Variants in MUC17 observed in about 807,000 individuals in gnomAD.
MUC17 encodes mucin 17, cell surface associated, also known as mucin-17.
Under a neutral mutation model 170.3 loss-of-function variants are expected in MUC17, and 190 were observed. The ratio of observed to expected loss-of-function variants is 1.12; its 90% CI spans 0.99 to 1.26. MUC17 has a LOEUF of 1.26. MUC17 is among the 50% of genes most tolerant of loss of function. The pLI is 0.00. For missense variants in MUC17, 6,415 were observed against 5,530.0 expected (o/e 1.16, Z -5.08); for synonymous variants, 2,325 against 2,002.5 (o/e 1.16, Z -4.30).
chr7:101,023,894 T>G (rs1446469462), intron 1 of MUC17, among the ~76,000 whole-genome samples: 3 of 140,518 alleles, frequency 2.1e-5, no homozygotes, highest in East Asian at 2.1e-4. Context: ...CTATTTGCAG[T>G]TTTTTTTTTT....
chr7:101,053,231 AG>A lies in MUC17; in HGVS notation c.13265+85del, dbSNP rs1193687814. On this transcript the variant is annotated intron_variant, in intron 10 of 12. Transcript: ENST00000306151. ...AACCCTCTGTCTCTAATCACTTCAT[AG>A]TCTAGGTGGGCAGCGGGGGCAGCTA... 3.8e-6 allele frequency: 6 copies of A among 1,586,458 alleles called. No individual in the cohort carries two copies. The East Asian group carries it at 1.3e-4, about 36-fold the overall frequency.
intron 11 of MUC17, among the ~76,000 whole-genome samples, chr7:101,055,634 G>C (rs1795032510): frequency 6.6e-6 from 1 of 152,146 alleles, no homozygotes; most frequent in South Asian, 2.1e-4. Flanking sequence ...GAGGATTACA[G>C]AACTTTTGTA....
At position 101,034,467 on chromosome 7, in the gene MUC17, T is replaced by A; in HGVS notation, c.3051T>A (p.Ser1017=). The A allele has an allele frequency of 6.2e-7, 1 of 1,609,510 alleles. No individual in the cohort carries two copies. Among genetic ancestry groups the A allele is most frequent in the East Asian group, 2.3e-5 (1 of 44,388 alleles). Residue 1017 remains serine, a synonymous_variant, in exon 3 of 13, where the codon TCT becomes TCA. Transcript: ENST00000306151. Reference sequence around the variant, plus strand: ...ACTCCAACACTCCTTTGACCACTTCTACTGAAGCCAGTTCACCTCCTCCCA... The same window carrying A: ...ACTCCAACACTCCTTTGACCACTTCAACTGAAGCCAGTTCACCTCCTCCCA... The part of the protein sequence containing the change: ...PVDSNTPLTT[S]TEASSPPPTA...
chr7:101,041,395 G>T lies in MUC17; in HGVS notation c.9979G>T (p.Gly3327Cys), dbSNP rs768041245. The change falls in exon 3 of 13, where the codon GGT becomes TGT. Residue 3327 changes from glycine to cysteine, a missense_variant. Transcript: ENST00000306151. ...QASSSPPIADGTSMPTSTYSE... is the reference protein window; with the variant it reads ...QASSSPPIADCTSMPTSTYSE... ...CAGTTCATCTCCTCCAATTGCTGAC[G>T]GTACTAGCATGCCAACCTCAACTTA... The T allele has an allele frequency of 6.2e-7, 1 of 1,613,566 alleles. No homozygotes were observed. The highest frequency in any genetic ancestry group is 1.1e-5 in the South Asian group (1 of 91,038).
Position 101,032,851 on chromosome 7 carries a change from T to C in MUC17, c.1435T>C (p.Ser479Pro). 4 of 1,608,540 alleles carry C rather than the reference T, an allele frequency of 2.5e-6. No homozygotes were observed. Among genetic ancestry groups the C allele is most frequent in the Non-Finnish European group, 3.4e-6 (4 of 1,178,416 alleles). ...ASNLSTTPVD[S>P]KTQVTTSTEA... Reference sequence around the variant, plus strand: ...CAACCTTTCAACAACTCCTGTTGACTCCAAAACTCAGGTGACCACTTCTAC... The same window carrying C: ...CAACCTTTCAACAACTCCTGTTGACCCCAAAACTCAGGTGACCACTTCTAC... Residue 479 changes from serine (S) to proline (P), a missense_variant, in exon 3 of 13, where the codon TCC becomes CCC. Coordinates refer to ENST00000306151, the MANE Select transcript of MUC17 (RefSeq NM_001040105.2).
In MUC17 at chr7:101,050,511, C is replaced by T. The variant is rs529322511; in HGVS notation, c.12750C>T (p.Asp4250=). 24 of 1,613,878 alleles carry T rather than the reference C, an allele frequency of 1.5e-5. No individual in the cohort carries two copies. The highest frequency in any genetic ancestry group is 1.1e-4 in the East Asian group (5 of 44,874). ...TTGGCAGTGTGGTGGTGGAGCATGA[C>T]GTCCTCCTAAGAACCAAGTACACAC... ...LRLGSVVVEH[D]VLLRTKYTPE... The change falls in exon 7 of 13, where the codon GAC becomes GAT. Residue 4250 remains aspartate (D), a synonymous_variant. Transcript: ENST00000306151.
At position 101,058,056 on chromosome 7, in the gene MUC17, G is replaced by C. The variant is rs1382925837; in HGVS notation, c.*12G>C. On this transcript the variant is annotated 3_prime_UTR_variant, in exon 13 of 13. Transcript: ENST00000306151. ...CGACATCATTTTAAGGCATGGAGCT[G>C]AGAAGTCTGGGAGTGAGGAGATCCC... is the stretch of plus-strand genomic sequence containing the variant. 6.2e-7 allele frequency: 1 copy of C among 1,613,572 alleles called. No homozygotes were observed.
At chr7:101,052,386 A>G (rs1794963857) in intron 9 of MUC17, among the ~76,000 whole-genome samples, 2 of 152,326 alleles carry the variant, frequency 1.3e-5, no homozygotes, top group Non-Finnish European at 1.5e-5. Flanking sequence ...GAAGAAAAAC[A>G]TTGTCACTTT....
At chr7:101,056,538 C>G (rs927387986) in intron 12 of MUC17, among the ~76,000 whole-genome samples, 1 of 152,198 alleles carries the variant, frequency 6.6e-6, no homozygotes, top group Non-Finnish European at 1.5e-5. Context: ...CCTTGATGGC[C>G]AACTTACTTA....
chr7:101,035,702 C>A lies in MUC17; in HGVS notation c.4286C>A (p.Thr1429Asn), dbSNP rs761165919. The A allele has an allele frequency of 2.5e-6, 4 of 1,609,064 alleles. No individual in the cohort carries two copies. The East Asian group carries it at 6.7e-5, about 27-fold the overall frequency. ...GTTGACACCAGCACCCCTGGGACCA[C>A]TTCTGCTGAAGCCACTTCATCTCCT... ...TPVDTSTPGT[T>N]SAEATSSPTT... is the part of the protein sequence containing the mutation. The change falls in exon 3 of 13, where the codon ACT (threonine) becomes AAT (asparagine). Residue 1429 changes from threonine to asparagine, a missense_variant. By Grantham distance (65) the Thr-to-Asn change is moderately conservative. Coordinates refer to ENST00000306151, the MANE Select transcript of MUC17 (RefSeq NM_001040105.2).
intron 1 of MUC17, among the ~76,000 whole-genome samples, chr7:101,024,378 C>T (rs901131758): frequency 7.4e-5 from 11 of 149,472 alleles, no homozygotes; most frequent in East Asian, 3.9e-4. Flanking sequence ...CCAGCCTGGG[C>T]GACAAAGTGA....
rs775368494 is a variant in MUC17, at chr7:101,031,233, G to C, written c.184+12G>C. On this transcript the variant is annotated intron_variant, in intron 2 of 12. Coordinates refer to ENST00000306151, the MANE Select transcript of MUC17 (RefSeq NM_001040105.2). ...GCACGTTAGGACAGGTAAGGCAACA[G>C]ACTCCAAGATCTATCTGGGAAGGTG... 1 of 1,609,446 alleles carries C rather than the reference G, an allele frequency of 6.2e-7. No individual in the cohort carries two copies.
chr7:101,037,940 G>C lies in MUC17; in HGVS notation c.6524G>C (p.Ser2175Thr), dbSNP rs147785825. The C allele has an allele frequency of 0.047, 75,259 of 1,612,810 alleles. 2,003 individuals carry two copies. Among genetic ancestry groups the C allele is most frequent in the Non-Finnish European group, 0.055 (64,531 of 1,179,188 alleles). ...SMPVSTTVVASSAISTLSTTP... is the reference protein window; with the variant it reads ...SMPVSTTVVATSAISTLSTTP... ...CCTGTCAGCACCACAGTGGTGGCCA[G>C]TTCTGCAATCAGCACCCTTTCAACA... Residue 2175 changes from serine to threonine, a missense_variant, in exon 3 of 13, where the codon AGT (serine) becomes ACT (threonine). Ser to Thr is a moderately conservative substitution (Grantham distance 58). Transcript: ENST00000306151.
rs751648946 is a variant in MUC17 at position 101,039,507 on chromosome 7, A to G, written c.8091A>G (p.Ile2697Met). The change falls in exon 3 of 13, where the codon ATA becomes ATG. Residue 2697 changes from isoleucine (I) to methionine (M), a missense_variant. Coordinates refer to ENST00000306151, the MANE Select transcript of MUC17 (RefSeq NM_001040105.2). ...AAAGAAGCACTCCATTAACAAATATACTTGTCAGCACCACGCTGTTGGCCA... is the reference window on the plus strand; with the variant it reads ...AAAGAAGCACTCCATTAACAAATATGCTTGTCAGCACCACGCTGTTGGCCA... Reference protein sequence around the residue: ...PGERSTPLTNILVSTTLLANS... With the variant: ...PGERSTPLTNMLVSTTLLANS... 6 of 1,608,268 alleles carry G rather than the reference A, an allele frequency of 3.7e-6. 1 individual carries two copies. Among genetic ancestry groups the G allele is most frequent in the Non-Finnish European group, 5.1e-6 (6 of 1,177,814 alleles).
rs1794502449 is a variant in MUC17 at position 101,036,925 on chromosome 7, A to G, written c.5509A>G (p.Ser1837Gly). The G allele has an allele frequency of 6.2e-7, 1 of 1,612,802 alleles. No individual in the cohort carries two copies. The change falls in exon 3 of 13, where the codon AGT becomes GGT. Residue 1837 changes from serine (S) to glycine (G), a missense_variant. Physicochemically the swap from Ser to Gly is moderately conservative, Grantham distance 56. Transcript: ENST00000306151. ...TLSTTPVDSN[S>G]PVVTSTAVSS... ...TTCAACAACTCCTGTTGACTCTAAC[A>G]GTCCTGTGGTCACTTCTACAGCAGT...
At position 101,034,227 on chromosome 7, in the gene MUC17, C is replaced by G; in HGVS notation, c.2811C>G (p.Val937=). The G allele has an allele frequency of 6.2e-7, 1 of 1,602,302 alleles. No homozygotes were observed. Among genetic ancestry groups the G allele is most frequent in the South Asian group, 1.1e-5 (1 of 89,370 alleles). The change falls in exon 3 of 13, where the codon GTC becomes GTG. Residue 937 remains valine (V), a synonymous_variant. Coordinates refer to ENST00000306151, the MANE Select transcript of MUC17 (RefSeq NM_001040105.2). Reference sequence around the variant, plus strand: ...TGCCTGACAGCACCACGCCGGTAGTCAGTTCTGAGGCTAGAACACTTTCAG... The same window carrying G: ...TGCCTGACAGCACCACGCCGGTAGTGAGTTCTGAGGCTAGAACACTTTCAG... The part of the protein sequence containing the change: ...TSMPDSTTPV[V]SSEARTLSAT...
rs78217358 is a variant in MUC17, at chr7:101,036,133, A to G, written c.4717A>G (p.Thr1573Ala). ...AACCTCAACTTATAGTGAAGGAAGC[A>G]CTCCACTAACAAGTTTGCCTGTCAG... ...MQTSTYSEGS[T>A]PLTSLPVSTM... The change falls in exon 3 of 13, where the codon ACT becomes GCT. Residue 1573 changes from threonine (T) to alanine (A), a missense_variant. Transcript: ENST00000306151. The G allele has an allele frequency of 1.7e-4, 280 of 1,612,950 alleles. No individual in the cohort carries two copies. In the African/African-American group the frequency reaches 3.2e-3, roughly 18 times the overall value.
Position 101,033,796 on chromosome 7 carries a change from A to G in MUC17, c.2380A>G (p.Thr794Ala). ...TTGCTCTCCTACAACCACTGAAGGT[A>G]CCAGCATGCCAATCTCAACTCCTAG... ...ASCSPTTTEG[T>A]SMPISTPSEG... is the part of the protein sequence containing the mutation. The change falls in exon 3 of 13, where the codon ACC becomes GCC. Residue 794 changes from threonine to alanine, a missense_variant. Physicochemically the swap from Thr to Ala is moderately conservative, Grantham distance 58. Transcript: ENST00000306151. 6.2e-7 allele frequency: 1 copy of G among 1,614,034 alleles called. No individual in the cohort carries two copies.
chr7:101,034,373 C>A lies in MUC17; in HGVS notation c.2957C>A (p.Thr986Lys), dbSNP rs772087792. The A allele has an allele frequency of 6.2e-7, 1 of 1,608,682 alleles. No individual in the cohort carries two copies. The highest frequency in any genetic ancestry group is 2.3e-5 in the East Asian group (1 of 44,142). ...STPSEGTTPL[T>K]STPVSHTLVA... ...CCTAGTGAAGGAACGACTCCATTAA[C>A]AAGCACACCTGTCAGCCACACGCTG... is the stretch of plus-strand genomic sequence containing the variant. Residue 986 changes from threonine (T) to lysine (K), a missense_variant, in exon 3 of 13, where the codon ACA becomes AAA. Thr to Lys is a moderately conservative substitution (Grantham distance 78, BLOSUM62 -1). Coordinates refer to ENST00000306151, the MANE Select transcript of MUC17 (RefSeq NM_001040105.2).
Sources: allele counts gnomAD v4.1 joint callset (sites outside exome capture counted in the v4.1 genomes callset), GRCh38; gene constraint gnomAD v4.1.1; transcripts MANE v1.5; gene names NCBI Gene and HGNC (gene_info 2026-07-23, HGNC 2026-07-21).